The following ZAN variants were observed in gnomAD, a reference collection of about 807,000 sequenced individuals.
ZAN encodes the protein zonadhesin.
ZAN carries 260 observed loss-of-function variants against 286.2 expected under a neutral mutation model. The ratio of observed to expected loss-of-function variants is 0.91; its 90% CI spans 0.82 to 1.01. The LOEUF is 1.01. Among genes scored for constraint, ZAN ranks in the 50% least tolerant of loss-of-function variants. ZAN has a pLI of 0.00. For synonymous variants in ZAN, 1,368 were observed against 1,417.5 expected (o/e 0.97, Z 0.79); for missense variants, 3,410 against 3,639.2 (o/e 0.94, Z 1.62).
rs182419208 is a variant in ZAN at position 100,789,954 on chromosome 7, T to A, written c.7357+607T>A. Among the ~76,000 whole-genome samples, 348 of 145,184 alleles carry A rather than the reference T, an allele frequency of 2.4e-3. 1 individual carries two copies. The highest frequency in any genetic ancestry group is 6.4e-3 in the African/African-American group (256 of 39,784). On this transcript the variant is annotated intron_variant, in intron 39 of 47. Transcript: ENST00000613979. The stretch of plus-strand genomic sequence containing the variant: ...GAGCAAAACTCCATCTCAAAAAAAA[T>A]TTTTTTTTTTTAAATGAGACAGGTG...
rs377402352 is a variant in ZAN at position 100,783,783 on chromosome 7, T to TATATATATATAC, written c.6623-839_6623-838insTATATATATACA. ...AAAAAAATATATATATATATATATATACACATATATATATATACACACATA... is the reference window on the plus strand; with the variant it reads ...AAAAAAATATATATATATATATATATATATATATATACACACATATATATATATACACACATA... On this transcript the variant is annotated intron_variant, in intron 35 of 47. Coordinates refer to ENST00000613979, the MANE Select transcript of ZAN (RefSeq NM_003386.3). Among the ~76,000 whole-genome samples the TATATATATATAC allele has an allele frequency of 7.8e-4, 16 of 20,484 alleles. 2 individuals are homozygous for TATATATATATAC. The highest frequency in any genetic ancestry group is 1.9e-3 in the South Asian group (1 of 524). 13.4% of individuals were successfully genotyped at this position (20,484 alleles called of 152,430 possible). A position where few individuals can be genotyped will look rare whatever the true frequency, so the allele number is the denominator to read the frequency against.
intron 45 of ZAN, among the ~76,000 whole-genome samples, chr7:100,795,923 A>T (rs867253314): frequency 5.3e-5 from 8 of 150,942 alleles, no homozygotes; most frequent in East Asian, 1.9e-4. Context: ...ATAAAAAAAT[A>T]AAAAAAAATT....
At chr7:100,754,959 T>A (rs1192398003) in intron 14 of ZAN, among the ~76,000 whole-genome samples, 1 of 152,062 alleles carries the variant, frequency 6.6e-6, no homozygotes, top group African/African-American at 2.4e-5. Flanking sequence ...GTTTTATTTT[T>A]AAATTTGTTT....
intron 11 of ZAN, among the ~76,000 whole-genome samples, chr7:100,748,841 C>T (rs916490582): frequency 3.3e-5 from 5 of 151,508 alleles, no homozygotes; most frequent in Non-Finnish European, 7.4e-5. Flanking sequence ...TCAGCCTGGG[C>T]AACATAGTGA....
chr7:100,771,891 G>T lies in ZAN; in HGVS notation c.5296G>T (p.Ala1766Ser). ...HQVVPPQSSF[A>S]SCVHGQCGTK... The stretch of plus-strand genomic sequence containing the variant: ...GGTGGTGCCTCCCCAGTCCAGCTTT[G>T]CCAGTTGCGTGCATGGTCAGTGTGG... Residue 1766 changes from alanine to serine, a missense_variant, in exon 29 of 48, where the codon GCC becomes TCC. Physicochemically the swap from Ala to Ser is moderately conservative, Grantham distance 99 (BLOSUM62 1). Coordinates refer to ENST00000613979, the MANE Select transcript of ZAN (RefSeq NM_003386.3). The T allele has an allele frequency of 6.2e-7, 1 of 1,613,058 alleles. No individual in the cohort carries two copies. The highest frequency in any genetic ancestry group is 8.5e-7 in the Non-Finnish European group (1 of 1,179,704).
chr7:100,757,280 C>G (rs1349096942), intron 15 of ZAN, among the ~76,000 whole-genome samples: 1 of 152,038 alleles, frequency 6.6e-6, no homozygotes, highest in Non-Finnish European at 1.5e-5. Context: ...GGTGAACCAC[C>G]ACACCCAGCC....
At position 100,764,107 on chromosome 7, in the gene ZAN, A is replaced by G. The variant is rs769795322; in HGVS notation, c.4178A>G (p.His1393Arg). 1 of 1,613,362 alleles carries G rather than the reference A, an allele frequency of 6.2e-7. No homozygotes were observed. Among genetic ancestry groups the G allele is most frequent in the South Asian group, 1.1e-5 (1 of 91,066 alleles). The change falls in exon 22 of 48, where the codon CAC (histidine) becomes CGC (arginine). Residue 1393 changes from histidine (H) to arginine (R), a missense_variant. By Grantham distance (29) the His-to-Arg change is conservative. This residue lies in a region of ZAN where 1,042 missense variants were observed against 1,058.0 expected (regional missense o/e 0.98). Coordinates refer to ENST00000613979, the MANE Select transcript of ZAN (RefSeq NM_003386.3). Reference protein sequence around the residue: ...LDMCGFQGLQHLLCTHMSTMT... With the variant: ...LDMCGFQGLQRLLCTHMSTMT... ...ATGTGCGGATTCCAGGGGCTGCAGC[A>G]CCTGCTGTGCACACACATGTCCACC...
At chr7:100,762,099 C>G in intron 19 of ZAN, 116 bp from the exon 20 acceptor site, 7 of 1,337,130 alleles carry the variant, frequency 5.2e-6, no homozygotes, top group Non-Finnish European at 6.3e-6. Context: ...CGCACCTCTT[C>G]ATCCTCCTCA....
Position 100,768,006 on chromosome 7 carries a change from TG to T in ZAN, c.5037del (p.Cys1680ValfsTer66), listed in dbSNP as rs1810119945. The T allele has an allele frequency of 6.2e-7, 1 of 1,611,262 alleles. No individual in the cohort carries two copies. Among genetic ancestry groups the T allele is most frequent in the South Asian group, 1.1e-5 (1 of 90,700 alleles). ...TCCTATGGCGGCCAGCTCTGTGGGCTGTGTGGTGAGTTTCCTGGGCACCTGC... is the reference window on the plus strand; with the variant it reads ...TCCTATGGCGGCCAGCTCTGTGGGCTTGTGGTGAGTTTCCTGGGCACCTGC... The part of the protein sequence containing the change: ...PSSYGGQLCG[L>X]CGNYNNNSLD... On this transcript the variant is annotated frameshift_variant, in exon 26 of 48. Coordinates refer to ENST00000613979, the MANE Select transcript of ZAN (RefSeq NM_003386.3). LOFTEE classifies it high-confidence loss of function.
intron 2 of ZAN, among the ~76,000 whole-genome samples, chr7:100,734,648 G>A (rs1194962923): frequency 1.4e-5 from 2 of 139,126 alleles, no homozygotes; most frequent in Non-Finnish European, 3.2e-5. Context: ...AAAAGACCTT[G>A]AGAGGAAGGG....
chr7:100,736,804 C>T lies in ZAN; in HGVS notation c.254-5C>T. The T allele has an allele frequency of 6.8e-7, 1 of 1,469,744 alleles. No homozygotes were observed. Among genetic ancestry groups the T allele is most frequent in the Non-Finnish European group, 9.3e-7 (1 of 1,080,944 alleles). The allele number at this position is 1,469,744 out of a possible 1,614,324, so 91.0% of individuals were successfully genotyped here. On this transcript the variant is annotated splice_region_variant and splice_polypyrimidine_tract_variant and intron_variant, in intron 4 of 47. Coordinates refer to ENST00000613979, the MANE Select transcript of ZAN (RefSeq NM_003386.3). ...CCTCAGTGTCTTGGGCTCTGCCTCC[C>T]CCAGAGGGCAGCTATCTGCATATGG...
chr7:100,771,350 G>T (rs561625491), intron 28 of ZAN, among the ~76,000 whole-genome samples: 1 of 152,060 alleles, frequency 6.6e-6, no homozygotes, highest in Non-Finnish European at 1.5e-5. Context: ...GGGACTACAG[G>T]TGTGCACCAC....
intron 17 of ZAN, among the ~76,000 whole-genome samples, 162 bp from the exon 18 acceptor site, chr7:100,759,559 G>C (rs1809390813): frequency 6.6e-6 from 1 of 152,170 alleles, no homozygotes; most frequent in South Asian, 2.1e-4. Context: ...GGAAGAGGCA[G>C]TCGTGGTCTG....
chr7:100,793,024 AAG>A (rs1357885072), intron 42 of ZAN, among the ~76,000 whole-genome samples: 97 of 150,264 alleles, frequency 6.5e-4, no homozygotes, highest in African/African-American at 2.2e-3. Context: ...GAACGAAAAA[AAG>A]AAAGAAATTA....
At position 100,760,551 on chromosome 7, in the gene ZAN, C is replaced by T. The variant is rs1466319287; in HGVS notation, c.3842+15C>T. ...ACTGTGTCCAGGTAAGGCAGTGTCC[C>T]AGCCAGGCAGCTGCCACTTCTTCCT... On this transcript the variant is annotated intron_variant, in intron 19 of 47. Coordinates refer to ENST00000613979, the MANE Select transcript of ZAN (RefSeq NM_003386.3). The T allele has an allele frequency of 1.9e-6, 3 of 1,609,934 alleles. No individual in the cohort carries two copies. The highest frequency in any genetic ancestry group is 3.3e-5 in the Admixed American group (2 of 59,918).
rs1248053419 is a variant in ZAN at position 100,762,414 on chromosome 7, A to AC, written c.3986+57dup. 80 of 1,341,486 alleles carry AC rather than the reference A, an allele frequency of 6.0e-5. 1 individual carries two copies. The African/African-American group carries it at 1.1e-3, about 19-fold the overall frequency. 83.1% of individuals were successfully genotyped at this position (1,341,486 alleles called of 1,614,324 possible). ...GGGAAGGTTCCGTCCCCTTCCTGGA[A>AC]CTCTCTTTTTTTTTTTTTTTTTTTT... On this transcript the variant is annotated intron_variant, in intron 20 of 47. Transcript: ENST00000613979.
intron 11 of ZAN, 25 bp downstream of exon 11, chr7:100,748,495 G>C: frequency 3.8e-6 from 6 of 1,593,474 alleles, no homozygotes; most frequent in South Asian, 1.1e-5. Context: ...GAGCGCTCAC[G>C]CCAAGAAATC....
intron 35 of ZAN, 48 bp from the exon 36 acceptor site, chr7:100,784,575 G>A: frequency 6.3e-7 from 1 of 1,594,836 alleles, no homozygotes; most frequent in African/African-American, 1.3e-5. Context: ...TGCCCACCTT[G>A]GCCCCCTGTG....
rs1562932812 is a variant in ZAN at position 100,760,553 on chromosome 7, GCCAGGCAGCTGCCA to G, written c.3842+19_3842+32del. 1.2e-6 allele frequency: 2 copies of G among 1,609,904 alleles called. No homozygotes were observed. Among genetic ancestry groups the G allele is most frequent in the East Asian group, 2.2e-5 (1 of 44,750 alleles). ...TGTGTCCAGGTAAGGCAGTGTCCCA[GCCAGGCAGCTGCCA>G]CTTCTTCCTGCTGCCTCTTCCTGCT... On this transcript the variant is annotated intron_variant, in intron 19 of 47. Transcript: ENST00000613979.
Sources: gnomAD v4.1 joint callset for allele counts (sites outside exome capture counted in the v4.1 genomes callset) on GRCh38, gnomAD v4.1.1 for gene constraint, gnomAD v4.1.1 regional missense constraint, MANE v1.5 for transcripts, NCBI Gene and HGNC (gene_info 2026-07-23, HGNC 2026-07-21) for gene names.